ESYT2: variants seen among roughly 807,000 people sequenced by gnomAD.
ESYT2 encodes extended synaptotagmin-2.
In ESYT2, 54 loss-of-function variants were observed where a neutral mutation model predicts 107.2. That is an observed-to-expected ratio of 0.50 (90% confidence interval 0.40 to 0.63). ESYT2 has a LOEUF of 0.63. Among genes scored for constraint, ESYT2 ranks in the 30% least tolerant of loss-of-function variants. The pLI is 0.00. For synonymous variants in ESYT2, 491 were observed against 434.1 expected (o/e 1.13, Z -1.63); for missense variants, 1,020 against 1,094.5 (o/e 0.93, Z 0.96).
At chr7:158,775,593 T>C (rs1435021047) in intron 6 of ESYT2, among the ~76,000 whole-genome samples, 2 of 152,228 alleles carry the variant, frequency 1.3e-5, no homozygotes, top group East Asian at 3.8e-4. Flanking sequence ...TTCTCGTCCT[T>C]AAACTTTGAT....
chr7:158,750,455 T>C (rs2129471681), intron 14 of ESYT2, among the ~76,000 whole-genome samples: 1 of 152,276 alleles, frequency 6.6e-6, no homozygotes, highest in Non-Finnish European at 1.5e-5. Flanking sequence ...AATATCTGTG[T>C]TAGTGGAAAT....
At chr7:158,748,659 C>T (rs1298822474) in intron 15 of ESYT2, among the ~76,000 whole-genome samples, 1 of 151,934 alleles carries the variant, frequency 6.6e-6, no homozygotes, top group Non-Finnish European at 1.5e-5. Flanking sequence ...TTAAACTGTT[C>T]ACAATTCAGT....
At chr7:158,794,703 G>GC (rs36018731) in intron 3 of ESYT2, among the ~76,000 whole-genome samples, 38,977 of 151,894 alleles carry the variant, frequency 0.26, 6,175 homozygotes, top group East Asian at 0.55. Flanking sequence ...ACTGAGCCCG[G>GC]GGGGGTAAGG....
chr7:158,804,679 A>G (rs1217064442), intron 1 of ESYT2, among the ~76,000 whole-genome samples: 4 of 151,398 alleles, frequency 2.6e-5, no homozygotes, highest in Non-Finnish European at 5.9e-5. Context: ...GACAAACCCA[A>G]ACTGTTGACA....
chr7:158,739,164 G>C (rs1452452608), intron 18 of ESYT2, 43 bp from the exon 19 acceptor site: 3 of 1,550,332 alleles, frequency 1.9e-6, no homozygotes, highest in African/African-American at 2.7e-5. Flanking sequence ...CCTGAGACTG[G>C]AGAACGTTGT....
rs966427491 is a variant in ESYT2, at chr7:158,755,602, A to G, written c.1420-2759T>C. On this transcript the variant is annotated intron_variant, in intron 13 of 22. Coordinates refer to ENST00000275418, the MANE Select transcript of ESYT2 (RefSeq NM_001367773.1). ...CTGCAAGCAAAAAATTATTTTCTTA[A>G]AAGTAACAGGATATGCTGCTGTTAC... is the stretch of plus-strand genomic sequence containing the variant. 3.3e-5 allele frequency among the ~76,000 whole-genome samples: 5 copies of G among 152,288 alleles called. No individual in the cohort carries two copies. In the East Asian group the frequency reaches 7.7e-4, roughly 23 times the overall value.
chr7:158,765,844 C>A (rs769964446), intron 8 of ESYT2, among the ~76,000 whole-genome samples: 3 of 152,012 alleles, frequency 2.0e-5, no homozygotes, highest in Non-Finnish European at 2.9e-5. Context: ...CCAAGGCAAA[C>A]AAAGATGCTC....
rs541638325 is a variant in ESYT2, at chr7:158,735,387, C to T, written c.2505+116G>A. 6.7e-6 allele frequency: 5 copies of T among 741,088 alleles called. No homozygotes were observed. In the Admixed American group the frequency reaches 9.0e-5, roughly 13 times the overall value. The allele number at this position is 741,088 out of a possible 1,614,324, so 45.9% of individuals were successfully genotyped here. ...TAGCCCATGATTTATAAACAAGCAT[C>T]GACCTCGTAAGTTCGCCCCTTCCAC... is the stretch of plus-strand genomic sequence containing the variant. On this transcript the variant is annotated intron_variant, in intron 21 of 22. Transcript: ENST00000275418.
intron 21 of ESYT2, 87 bp downstream of exon 21, chr7:158,735,416 C>T (rs1563612432): frequency 1.8e-6 from 2 of 1,125,688 alleles, no homozygotes; most frequent in South Asian, 1.4e-5. Flanking sequence ...CTTCCACTTA[C>T]ACAGACATGG....
intron 6 of ESYT2, among the ~76,000 whole-genome samples, chr7:158,783,922 C>T (rs1340669988): frequency 6.6e-6 from 1 of 152,202 alleles, no homozygotes; most frequent in Non-Finnish European, 1.5e-5. Context: ...AGGGAAGCAC[C>T]TTGAGAACCC....
In ESYT2 at chr7:158,732,600, G is replaced by A. The variant is rs113067377; in HGVS notation, c.*1607C>T. ...AAAATCAAAATCTGCTAGAAGGGAG[G>A]GTGGGTAGACAGCCACCAGCCTTGT... On this transcript the variant is annotated 3_prime_UTR_variant, in exon 23 of 23. Transcript: ENST00000275418. 722 of 152,534 alleles carry A rather than the reference G, an allele frequency of 4.7e-3. 3 individuals carry two copies. The highest frequency in any genetic ancestry group is 0.017 in the African/African-American group (696 of 41,516). 9.4% of individuals were successfully genotyped at this position (152,534 alleles called of 1,614,324 possible).
In ESYT2 at chr7:158,741,682, GCCTCAGGGGGCTGGGCCTTTTCTT is replaced by G. The variant is rs1169414161; in HGVS notation, c.1985_2008del (p.Glu662_Glu669del). 1 of 1,614,056 alleles carries G rather than the reference GCCTCAGGGGGCTGGGCCTTTTCTT, an allele frequency of 6.2e-7. No individual in the cohort carries two copies. The highest frequency in any genetic ancestry group is 1.1e-5 in the South Asian group (1 of 91,078). Reference sequence around the variant, plus strand: ...CAGGTCGTGCAGCCCCTGAGGGCCGGCCTCAGGGGGCTGGGCCTTTTCTTCCATACCAGGCTTATCACTGCCCCC... The same window carrying G: ...CAGGTCGTGCAGCCCCTGAGGGCCGGCCATACCAGGCTTATCACTGCCCCC... On this transcript the variant is annotated inframe_deletion, in exon 18 of 23. Coordinates refer to ENST00000275418, the MANE Select transcript of ESYT2 (RefSeq NM_001367773.1).
intron 1 of ESYT2, 71 bp downstream of exon 1, chr7:158,829,018 A>C (rs1238315189): frequency 1.6e-5 from 25 of 1,522,772 alleles, no homozygotes; most frequent in Non-Finnish European, 2.2e-5. Context: ...CGGGGAGGGG[A>C]GTGCCTGCCT....
intron 1 of ESYT2, among the ~76,000 whole-genome samples, chr7:158,825,361 G>A (rs1840410057): frequency 6.6e-6 from 1 of 152,096 alleles, no homozygotes; most frequent in Non-Finnish European, 1.5e-5. Context: ...TAGTCTAATG[G>A]TCCAGGGCCC....
chr7:158,801,362 A>G (rs1334946688), intron 1 of ESYT2, among the ~76,000 whole-genome samples: 2 of 152,230 alleles, frequency 1.3e-5, no homozygotes, highest in Non-Finnish European at 2.9e-5. Context: ...TTTTTCATCT[A>G]TGAGTGATTA....
chr7:158,785,476 A>G (rs1047585281), intron 6 of ESYT2, among the ~76,000 whole-genome samples: 2 of 150,136 alleles, frequency 1.3e-5, no homozygotes, highest in African/African-American at 2.5e-5. Context: ...TAAATAAATC[A>G]CCTCCAGTGT....
Position 158,779,615 on chromosome 7 carries a change from G to C in ESYT2, c.748-6219C>G, listed in dbSNP as rs80029772. ...GAATGAAATCCTCATCTTTTCACTG[G>C]ACCCACATGGGAAGAAACGACTGAT... On this transcript the variant is annotated intron_variant, in intron 6 of 22. Coordinates refer to ENST00000275418, the MANE Select transcript of ESYT2 (RefSeq NM_001367773.1). Among the ~76,000 whole-genome samples the C allele has an allele frequency of 2.7e-3, 411 of 152,112 alleles. 3 individuals are homozygous for C. Among genetic ancestry groups the C allele is most frequent in the Non-Finnish European group, 4.7e-3 (321 of 68,004 alleles).
intron 1 of ESYT2, among the ~76,000 whole-genome samples, chr7:158,813,796 C>T (rs1038157432): frequency 7.3e-5 from 11 of 151,448 alleles, no homozygotes; most frequent in Non-Finnish European, 2.9e-5. Flanking sequence ...TTCCTCGTCC[C>T]GATGACTCTC....
At chr7:158,815,420 TCATC>T (rs1256489033) in intron 1 of ESYT2, among the ~76,000 whole-genome samples, 1 of 151,888 alleles carries the variant, frequency 6.6e-6, no homozygotes, top group Non-Finnish European at 1.5e-5. Context: ...CCTGGCTCAC[TCATC>T]TATCTTCCTT....
Sources: gnomAD v4.1 joint callset for allele counts (sites outside exome capture counted in the v4.1 genomes callset) on GRCh38, gnomAD v4.1.1 for gene constraint, MANE v1.5 for transcripts, NCBI Gene and HGNC (gene_info 2026-07-23, HGNC 2026-07-21) for gene names.